Variants in TBC1D2B observed in about 807,000 individuals in gnomAD.
TBC1D2B encodes the protein TBC1 domain family, member 2B.
In TBC1D2B, 64 loss-of-function variants were observed where a neutral mutation model predicts 100.8. The ratio of observed to expected loss-of-function variants is 0.64; its 90% CI spans 0.52 to 0.78. The LOEUF is 0.78. TBC1D2B is among the 30% of genes least tolerant of loss of function. The pLI is 0.00. For synonymous variants in TBC1D2B, 480 were observed against 479.7 expected (o/e 1.00, Z -0.01); for missense variants, 1,052 against 1,218.4 (o/e 0.86, Z 2.03).
intron 3 of TBC1D2B, among the ~76,000 whole-genome samples, chr15:78,033,451 C>CA (rs1417640476): frequency 3.9e-5 from 6 of 152,116 alleles, no homozygotes; most frequent in African/African-American, 1.4e-4. Flanking sequence ...TTTTAAAACT[C>CA]AAAGCTATAG....
intron 3 of TBC1D2B, among the ~76,000 whole-genome samples, chr15:78,043,709 G>A (rs1301978997): frequency 6.6e-6 from 1 of 152,110 alleles, no homozygotes; most frequent in East Asian, 1.9e-4. Flanking sequence ...GGTATGCACG[G>A]TGCCATTTAT....
rs771886730 is a variant in TBC1D2B, at chr15:78,025,418, C to T, written c.927G>A (p.Gly309=). 1 of 1,613,942 alleles carries T rather than the reference C, an allele frequency of 6.2e-7. No individual in the cohort carries two copies. The highest frequency in any genetic ancestry group is 1.1e-5 in the South Asian group (1 of 91,070). Residue 309 remains glycine, a synonymous_variant, in exon 5 of 13, where the codon GGG becomes GGA. Transcript: ENST00000300584. ...CACTGCTGTGACGATTTTTGTACGA[C>T]CCAATTATGTCTTTCAAAGGGCGCT... ...KGKRPLKDII[G]SYKNRHSSGD...
In TBC1D2B at chr15:78,030,892, A is replaced by C. The variant is rs984533991; in HGVS notation, c.684-722T>G. Among the ~76,000 whole-genome samples, 6 of 152,394 alleles carry C rather than the reference A, an allele frequency of 3.9e-5. No homozygotes were observed. The East Asian group carries it at 7.7e-4, about 20-fold the overall frequency. ...TATAGTCAAGTACTATACAGCACTT[A>C]AAATTAACTCATTCATCCACCAATT... On this transcript the variant is annotated intron_variant, in intron 3 of 12. Transcript: ENST00000300584.
chr15:78,074,331 C>T (rs889116694), intron 1 of TBC1D2B, among the ~76,000 whole-genome samples: 2 of 152,108 alleles, frequency 1.3e-5, no homozygotes, highest in African/African-American at 4.8e-5. Flanking sequence ...CCTTCTCCTC[C>T]CTTCTTCCAG....
At chr15:78,030,192 G>C in intron 3 of TBC1D2B, 22 bp from the exon 4 acceptor site, 1 of 1,592,140 alleles carries the variant, frequency 6.3e-7, no homozygotes, top group Non-Finnish European at 8.6e-7. Flanking sequence ...AACAATATGT[G>C]TTATTAACAA....
In TBC1D2B at chr15:78,017,855, T is replaced by C. The variant is rs367873681; in HGVS notation, c.1573A>G (p.Met525Val). The part of the protein sequence containing the change: ...RNAERRERDL[M>V]AKYSSLEAKL... ...CACCTATCCTGACCCACCTTTGCCA[T>C]CAGATCCCTCTCTCTCCTTTCTGCA... The change falls in exon 7 of 13, where the codon ATG (methionine) becomes GTG (valine). Residue 525 changes from methionine to valine, a missense_variant. Physicochemically the swap from Met to Val is conservative, Grantham distance 21. Around this residue, in one of 4 missense-constraint regions of TBC1D2B, gnomAD observed 373 missense variants for 464.9 expected, o/e 0.80. Coordinates refer to ENST00000300584, the MANE Select transcript of TBC1D2B (RefSeq NM_144572.2). 7 of 1,607,718 alleles carry C rather than the reference T, an allele frequency of 4.4e-6. No individual in the cohort carries two copies. The African/African-American group carries it at 5.4e-5, about 12-fold the overall frequency.
intron 1 of TBC1D2B, among the ~76,000 whole-genome samples, chr15:78,063,970 C>T (rs1596330109): frequency 6.6e-6 from 1 of 152,240 alleles, no homozygotes; most frequent in East Asian, 1.9e-4. Flanking sequence ...CTCTCCTCTC[C>T]AAACTCTCTT....
At chr15:78,037,935 T>A (rs2072986636) in intron 3 of TBC1D2B, among the ~76,000 whole-genome samples, 1 of 152,116 alleles carries the variant, frequency 6.6e-6, no homozygotes, top group African/African-American at 2.4e-5. Context: ...TGTCAGAAGG[T>A]AACATCCTGC....
chr15:78,072,058 G>C lies in TBC1D2B; in HGVS notation c.360+5235C>G, dbSNP rs190275922. On this transcript the variant is annotated intron_variant, in intron 1 of 12. Coordinates refer to ENST00000300584, the MANE Select transcript of TBC1D2B (RefSeq NM_144572.2). The stretch of plus-strand genomic sequence containing the variant: ...CCATTCGTGAAGGCTCCACCCTCAT[G>C]AGTTAATTACCTCCCAAAGGCCCCA... 3.7e-3 allele frequency among the ~76,000 whole-genome samples: 557 copies of C among 152,322 alleles called. 5 individuals carry two copies. The highest frequency in any genetic ancestry group is 4.9e-3 in the Non-Finnish European group (330 of 68,036).
chr15:78,059,568 G>T (rs958740921), intron 1 of TBC1D2B, among the ~76,000 whole-genome samples: 1 of 152,102 alleles, frequency 6.6e-6, no homozygotes, highest in African/African-American at 2.4e-5. Flanking sequence ...CCAGCTCGGA[G>T]AATAAAAGCA....
intron 4 of TBC1D2B, 135 bp from the exon 5 acceptor site, chr15:78,025,632 T>A: frequency 3.5e-6 from 2 of 568,998 alleles, no homozygotes; most frequent in East Asian, 3.5e-5. Context: ...GTTCATGCCA[T>A]TCTCCTGCCT....
intron 1 of TBC1D2B, among the ~76,000 whole-genome samples, chr15:78,072,455 A>G (rs1393314130): frequency 6.6e-6 from 1 of 152,252 alleles, no homozygotes; most frequent in Admixed American, 6.5e-5. Context: ...TAGAAGAACC[A>G]AACAGCAAAG....
intron 1 of TBC1D2B, among the ~76,000 whole-genome samples, chr15:78,069,247 A>G (rs2073709036): frequency 6.6e-6 from 1 of 152,222 alleles, no homozygotes; most frequent in South Asian, 2.1e-4. Flanking sequence ...CAAGTGCAGC[A>G]GGAGAGAAGT....
chr15:78,053,278 C>G (rs1158847644), intron 2 of TBC1D2B, among the ~76,000 whole-genome samples: 1 of 152,226 alleles, frequency 6.6e-6, no homozygotes, highest in African/African-American at 2.4e-5. Context: ...GTTGTCTACT[C>G]CTTTTAATGT....
intron 4 of TBC1D2B, among the ~76,000 whole-genome samples, chr15:78,027,200 C>A (rs990916400): frequency 6.6e-6 from 1 of 152,114 alleles, no homozygotes; most frequent in African/African-American, 2.4e-5. Context: ...CCAACCTGCA[C>A]TGTTAGGAAT....
intron 5 of TBC1D2B, among the ~76,000 whole-genome samples, 187 bp from the exon 6 acceptor site, chr15:78,024,726 A>G (rs1228866568): frequency 1.3e-5 from 2 of 152,238 alleles, no homozygotes; most frequent in East Asian, 3.8e-4. Flanking sequence ...TATTTACTCC[A>G]TAAAGACTGT....
intron 10 of TBC1D2B, among the ~76,000 whole-genome samples, chr15:78,004,200 G>A (rs939262713): frequency 2.0e-5 from 3 of 152,190 alleles, no homozygotes; most frequent in African/African-American, 7.2e-5. Flanking sequence ...TCAGGCACGG[G>A]GCCAGTGCTG....
chr15:78,034,382 G>T, intron 3 of TBC1D2B: 1 of 562,044 alleles, frequency 1.8e-6, no homozygotes, highest in Non-Finnish European at 2.3e-6. Context: ...ACTTTTCAGT[G>T]GCCCTGCCTA....
chr15:78,071,920 G>A (rs2073747830), intron 1 of TBC1D2B, among the ~76,000 whole-genome samples: 1 of 152,228 alleles, frequency 6.6e-6, no homozygotes, highest in Admixed American at 6.5e-5. Context: ...GGTCAATTTG[G>A]TTCCTGGCGG....
Sources: allele counts gnomAD v4.1 joint callset (sites outside exome capture counted in the v4.1 genomes callset), GRCh38; gene constraint gnomAD v4.1.1; regional missense constraint gnomAD v4.1.1; transcripts MANE v1.5; gene names NCBI Gene and HGNC (gene_info 2026-07-23, HGNC 2026-07-21).